The following GTSE1 variants were observed in gnomAD, a reference collection of about 807,000 sequenced individuals.
GTSE1 encodes G2 and S-phase expressed 1, also known as G2 and S phase-expressed protein 1.
Under a neutral mutation model 60.5 loss-of-function variants are expected in GTSE1, and 52 were observed. That is an observed-to-expected ratio of 0.86 (90% confidence interval 0.69 to 1.08). GTSE1 has a LOEUF of 1.08. Ranked by LOEUF, GTSE1 falls within the 50% of genes least tolerant of loss-of-function variation. The probability of loss-of-function intolerance (pLI) is 0.00; values close to 1 mark genes in which losing one functional copy is unlikely to be tolerated. For missense variants in GTSE1, 937 were observed against 961.8 expected (o/e 0.97, Z 0.34); for synonymous variants, 368 against 386.5 (o/e 0.95, Z 0.56).
Position 46,316,319 on chromosome 22 carries a change from A to G in GTSE1, c.1339A>G (p.Arg447Gly), listed in dbSNP as rs202115996. ...AGAATCTTCTCAATTGAATAAGACT[A>G]GAAGTATCAGACGGCGAGATTCCTG... ...WSESSQLNKT[R>G]SIRRRDSCLN... is the part of the protein sequence containing the mutation. Residue 447 changes from arginine to glycine, a missense_variant, in exon 7 of 12, where the codon AGA becomes GGA. Arg to Gly is a moderately radical substitution (Grantham distance 125). Coordinates refer to ENST00000454366, the MANE Select transcript of GTSE1 (RefSeq NM_016426.7). The surrounding 1 kb of genome is among the most constrained non-coding windows in gnomAD (Gnocchi z 5.0). 4 of 1,613,816 alleles carry G rather than the reference A, an allele frequency of 2.5e-6. No individual in the cohort carries two copies. Among genetic ancestry groups the G allele is most frequent in the Non-Finnish European group, 3.4e-6 (4 of 1,179,674 alleles).
Position 46,297,575 on chromosome 22 carries a change from C to A in GTSE1, c.79+96C>A. ...TCCCTGAGAAATTCTTTCTCAAGTG[C>A]TCGACTTGTACTCTGCACCTGTGAA... On this transcript the variant is annotated intron_variant, in intron 2 of 11. Transcript: ENST00000454366. The surrounding 1 kb of genome is among the most constrained non-coding windows in gnomAD (Gnocchi z 4.9). The A allele has an allele frequency of 2.3e-6, 2 of 867,978 alleles. No individual in the cohort carries two copies. Among genetic ancestry groups the A allele is most frequent in the Non-Finnish European group, 3.8e-6 (2 of 529,664 alleles). The allele number at this position is 867,978 out of a possible 1,614,324, so 53.8% of individuals were successfully genotyped here. A position where few individuals can be genotyped will look rare whatever the true frequency, so the allele number is the denominator to read the frequency against.
intron 4 of GTSE1, among the ~76,000 whole-genome samples, chr22:46,311,063 T>G (rs1221143000): frequency 1.9e-5 from 2 of 105,890 alleles, no homozygotes; most frequent in African/African-American, 1.0e-4. Context: ...GTACAGGTTG[T>G]TTTTTTTTTT....
At chr22:46,315,798 C>G (rs1228768125) in intron 6 of GTSE1, among the ~76,000 whole-genome samples, 2 of 152,166 alleles carry the variant, frequency 1.3e-5, no homozygotes, top group African/African-American at 4.8e-5. Flanking sequence ...TTTATGCATG[C>G]TTATGTACAT....
rs2077869004 is a variant in GTSE1, at chr22:46,330,279, G to A, written c.*149G>A. The A allele has an allele frequency of 3.3e-6, 2 of 606,606 alleles. No homozygotes were observed. Among genetic ancestry groups the A allele is most frequent in the African/African-American group, 1.8e-5 (1 of 54,298 alleles). The allele number at this position is 606,606 out of a possible 1,614,324, so 37.6% of individuals were successfully genotyped here. Reference sequence around the variant, plus strand: ...GCGGATTACTTGAGCCCAGGAGTTCGGGACCAGCCTGGGAAATATAGTGAA... The same window carrying A: ...GCGGATTACTTGAGCCCAGGAGTTCAGGACCAGCCTGGGAAATATAGTGAA... On this transcript the variant is annotated 3_prime_UTR_variant, in exon 12 of 12. Coordinates refer to ENST00000454366, the MANE Select transcript of GTSE1 (RefSeq NM_016426.7). The surrounding 1 kb of genome is among the most constrained non-coding windows in gnomAD (Gnocchi z 6.0).
At position 46,304,227 on chromosome 22, in the gene GTSE1, C is replaced by T. The variant is rs1268393981; in HGVS notation, c.80-3923C>T. ...GGGCTGGCCTTGAACCCCTGGGCCT[C>T]AAGTGATCCTCCTTGGCCTCCCATA... On this transcript the variant is annotated intron_variant, in intron 2 of 11. Transcript: ENST00000454366. The surrounding 1 kb of genome is among the most constrained non-coding windows in gnomAD (Gnocchi z 4.4). Among the ~76,000 whole-genome samples the T allele has an allele frequency of 2.0e-5, 3 of 152,024 alleles. No homozygotes were observed. The highest frequency in any genetic ancestry group is 7.2e-5 in the African/African-American group (3 of 41,396).
At position 46,297,288 on chromosome 22, in the gene GTSE1, G is replaced by C. The variant is rs577292119; in HGVS notation, c.-21-92G>C. 105 of 805,430 alleles carry C rather than the reference G, an allele frequency of 1.3e-4. No individual in the cohort carries two copies. The South Asian group carries it at 1.4e-3, about 11-fold the overall frequency. 49.9% of individuals were successfully genotyped at this position (805,430 alleles called of 1,614,324 possible). ...CTCCCAGACCTGGCCGCGGCCTTCA[G>C]CTCTCTCTGCCTCTGTGAGCCGAGG... On this transcript the variant is annotated intron_variant, in intron 1 of 11. Coordinates refer to ENST00000454366, the MANE Select transcript of GTSE1 (RefSeq NM_016426.7). The surrounding 1 kb of genome is among the most constrained non-coding windows in gnomAD (Gnocchi z 4.9).
rs2077814002 is a variant in GTSE1, at chr22:46,321,804, G to T, written c.1433-1386G>T. Among the ~76,000 whole-genome samples, 1 of 152,224 alleles carries T rather than the reference G, an allele frequency of 6.6e-6. No homozygotes were observed. The highest frequency in any genetic ancestry group is 6.5e-5 in the Admixed American group (1 of 15,288). On this transcript the variant is annotated intron_variant, in intron 7 of 11. Transcript: ENST00000454366. This position sits in a 1 kb window ranked among gnomAD's most constrained non-coding sequence, Gnocchi z 4.0. ...TAAAAGAATAGGAGAGGCTGGGGCA[G>T]TGGCTCACGCCTGTAATCCCAGCAC...
In GTSE1 at chr22:46,320,347, G is replaced by A. The variant is rs1354857522; in HGVS notation, c.1433-2843G>A. 6.6e-6 allele frequency among the ~76,000 whole-genome samples: 1 copy of A among 152,212 alleles called. No homozygotes were observed. The highest frequency in any genetic ancestry group is 1.5e-5 in the Non-Finnish European group (1 of 68,046). On this transcript the variant is annotated intron_variant, in intron 7 of 11. Transcript: ENST00000454366. This position sits in a 1 kb window ranked among gnomAD's most constrained non-coding sequence, Gnocchi z 7.1. The stretch of plus-strand genomic sequence containing the variant: ...CCTCTCTCCACAATGCTGGGAACAG[G>A]ACTGTCTCTTGCACGCCTTTGGTCA...
Position 46,317,522 on chromosome 22 carries a change from T to C in GTSE1, c.1432+1110T>C, listed in dbSNP as rs117448890. On this transcript the variant is annotated intron_variant, in intron 7 of 11. Transcript: ENST00000454366. The surrounding 1 kb of genome is among the most constrained non-coding windows in gnomAD (Gnocchi z 5.6). ...TCTGTTTCGACTGACTAATTTTGTT[T>C]CCGGGTTTTGGCCTCATTTTCCTGC... Among the ~76,000 whole-genome samples, 229 of 152,346 alleles carry C rather than the reference T, an allele frequency of 1.5e-3. No homozygotes were observed. The highest frequency in any genetic ancestry group is 2.1e-3 in the South Asian group (10 of 4,834).
chr22:46,308,294 A>T, intron 3 of GTSE1, 25 bp from the exon 4 acceptor site: 2 of 1,609,970 alleles, frequency 1.2e-6, no homozygotes, highest in Non-Finnish European at 1.7e-6. Context: ...ATGAGTTATT[A>T]ATCATTCTTT....
chr22:46,317,428 C>T lies in GTSE1; in HGVS notation c.1432+1016C>T, dbSNP rs2077787863. Among the ~76,000 whole-genome samples, 1 of 152,172 alleles carries T rather than the reference C, an allele frequency of 6.6e-6. No homozygotes were observed. The highest frequency in any genetic ancestry group is 6.6e-5 in the Admixed American group (1 of 15,266). Reference sequence around the variant, plus strand: ...GTACTTGGGTTTTCTTTTACATCCTCGTGAGCAAATTGATAATGGTTTTAG... The same window carrying T: ...GTACTTGGGTTTTCTTTTACATCCTTGTGAGCAAATTGATAATGGTTTTAG... On this transcript the variant is annotated intron_variant, in intron 7 of 11. Transcript: ENST00000454366. The surrounding 1 kb of genome is among the most constrained non-coding windows in gnomAD (Gnocchi z 5.6).
intron 2 of GTSE1, among the ~76,000 whole-genome samples, chr22:46,307,458 A>G (rs2077721505): frequency 6.6e-6 from 1 of 152,154 alleles, no homozygotes; most frequent in Admixed American, 6.5e-5. Flanking sequence ...TCTTAAAAGT[A>G]AGGACCTAAG....
intron 5 of GTSE1, among the ~76,000 whole-genome samples, chr22:46,312,725 C>G (rs974596219): frequency 6.6e-6 from 1 of 151,896 alleles, no homozygotes; most frequent in Admixed American, 6.6e-5. Flanking sequence ...ATACTGGCTT[C>G]GCAGTGTGCA....
chr22:46,299,519 C>A (rs1250565137), intron 2 of GTSE1, among the ~76,000 whole-genome samples: 1 of 152,218 alleles, frequency 6.6e-6, no homozygotes, highest in African/African-American at 2.4e-5. Flanking sequence ...GCTGTGCAAG[C>A]TGAGAACCTC....
intron 5 of GTSE1, among the ~76,000 whole-genome samples, 160 bp downstream of exon 5, chr22:46,312,465 C>T (rs1353225912): frequency 6.6e-6 from 1 of 151,790 alleles, no homozygotes; most frequent in Non-Finnish European, 1.5e-5. Context: ...CATGATGAAA[C>T]CCATCTCTAC....
rs1362783470 is a variant in GTSE1 at position 46,313,548 on chromosome 22, G to A, written c.928-342G>A. On this transcript the variant is annotated intron_variant, in intron 5 of 11. Transcript: ENST00000454366. This position sits in a 1 kb window ranked among gnomAD's most constrained non-coding sequence, Gnocchi z 4.4. ...TGTTGAGACGGAGTCTCACTCTGTC[G>A]CCCAGGCTGGAGTGCAATGGCACGA... Among the ~76,000 whole-genome samples, 5 of 152,254 alleles carry A rather than the reference G, an allele frequency of 3.3e-5. No individual in the cohort carries two copies. The highest frequency in any genetic ancestry group is 1.9e-4 in the East Asian group (1 of 5,178).
chr22:46,300,722 C>T (rs915036521), intron 2 of GTSE1, among the ~76,000 whole-genome samples: 5 of 152,172 alleles, frequency 3.3e-5, no homozygotes, highest in African/African-American at 7.2e-5. Context: ...TCAGCCAGCC[C>T]GGGACCCCTC....
In GTSE1 at chr22:46,310,845, G is replaced by T. The variant is rs558440709; in HGVS notation, c.763-1296G>T. Among the ~76,000 whole-genome samples the T allele has an allele frequency of 2.1e-3, 319 of 152,216 alleles. 1 individual carries two copies. The highest frequency in any genetic ancestry group is 7.5e-3 in the African/African-American group (310 of 41,542). On this transcript the variant is annotated intron_variant, in intron 4 of 11. Coordinates refer to ENST00000454366, the MANE Select transcript of GTSE1 (RefSeq NM_016426.7). This position sits in a 1 kb window ranked among gnomAD's most constrained non-coding sequence, Gnocchi z 4.4. The stretch of plus-strand genomic sequence containing the variant: ...CTTGGGAGGCTGAGGCAGGAGAATC[G>T]CCTGAACCCAGGAGGTGGAGGTTGC...
At chr22:46,311,427 G>A (rs745673746) in intron 4 of GTSE1, among the ~76,000 whole-genome samples, 22 of 152,142 alleles carry the variant, frequency 1.4e-4, no homozygotes, top group Admixed American at 6.5e-4. Context: ...ATTAGCTTGT[G>A]CTGGTTGTAC....
Sources: gnomAD v4.1 joint callset for allele counts (sites outside exome capture counted in the v4.1 genomes callset) on GRCh38, gnomAD v4.1.1 for gene constraint, Gnocchi (gnomAD v3.1) non-coding constraint, MANE v1.5 for transcripts, NCBI Gene and HGNC (gene_info 2026-07-23, HGNC 2026-07-21) for gene names.